UBR4: variants seen among roughly 807,000 people sequenced by gnomAD.
The protein encoded by UBR4 is ubiquitin protein ligase E3 component n-recognin 4.
UBR4 carries 124 observed loss-of-function variants against 575.6 expected under a neutral mutation model. The observed-to-expected ratio is 0.22, with a 90% CI of 0.19 to 0.25. UBR4 has a LOEUF of 0.25. UBR4 is among the 10% of genes least tolerant of loss of function. UBR4 has a pLI of 1.00. For synonymous variants in UBR4, 2,455 were observed against 2,473.7 expected, an observed-to-expected ratio of 0.99 and a Z score of 0.22; for missense variants, 4,818 against 6,478.8, an observed-to-expected ratio of 0.74 and a Z score of 8.80.
rs2083563123 is a variant in UBR4 at position 19,139,318 on chromosome 1, A to G, written c.8594-98T>C. 1.6e-5 allele frequency: 23 copies of G among 1,461,694 alleles called. No individual in the cohort carries two copies. The highest frequency in any genetic ancestry group is 2.7e-6 in the Non-Finnish European group (3 of 1,098,306). 90.5% of individuals were successfully genotyped at this position (1,461,694 alleles called of 1,614,324 possible). A position where few individuals can be genotyped will look rare whatever the true frequency, so the allele number is the denominator to read the frequency against. On this transcript the variant is annotated intron_variant, in intron 58 of 105. Transcript: ENST00000375254. This position sits in a 1 kb window ranked among gnomAD's most constrained non-coding sequence, Gnocchi z 4.2. ...CCCCTCCTTGGGATGAAAGCATCAAACCACATAGTGCATAGGACACAATGC... is the reference window on the plus strand; with the variant it reads ...CCCCTCCTTGGGATGAAAGCATCAAGCCACATAGTGCATAGGACACAATGC...
intron 91 of UBR4, among the ~76,000 whole-genome samples, chr1:19,096,913 G>C (rs72651014): frequency 8.5e-5 from 13 of 152,086 alleles, no homozygotes; most frequent in Admixed American, 7.8e-4. Context: ...TCAATGGAGT[G>C]GGGGGAGAGG....
Position 19,157,822 on chromosome 1 carries a change from T to C in UBR4, c.5753A>G (p.Lys1918Arg), listed in dbSNP as rs772367136. 1.2e-5 allele frequency: 19 copies of C among 1,613,922 alleles called. No individual in the cohort carries two copies. Among genetic ancestry groups the C allele is most frequent in the Non-Finnish European group, 1.6e-5 (19 of 1,179,906 alleles). Residue 1918 changes from lysine (K) to arginine (R), a missense_variant, in exon 40 of 106, where the codon AAG becomes AGG. This residue lies in a region of UBR4 where 461 missense variants were observed against 606.9 expected (regional missense o/e 0.76). Transcript: ENST00000375254. This position sits in a 1 kb window ranked among gnomAD's most constrained non-coding sequence, Gnocchi z 4.4. ...AAGAATTGGAGGACCCACCTTGCCC[T>C]TCTCATGGCTGACAGCCAAATGTTG... ...RRQHLAVSHE[K>R]GKITVLQLSA... is the part of the protein sequence containing the mutation.
At chr1:19,135,711 G>C (rs908387449) in intron 60 of UBR4, among the ~76,000 whole-genome samples, 1 of 152,088 alleles carries the variant, frequency 6.6e-6, no homozygotes, top group Non-Finnish European at 1.5e-5. Context: ...ACATGAAGAA[G>C]AGAATATGAT....
intron 1 of UBR4, among the ~76,000 whole-genome samples, chr1:19,202,409 CA>C (rs1014973520): frequency 6.6e-6 from 1 of 151,926 alleles, no homozygotes; most frequent in African/African-American, 2.4e-5. Context: ...TATTGATAGC[CA>C]AAAAGGGGCA....
rs141400758 is a variant in UBR4, at chr1:19,167,026, T to G, written c.4105A>C (p.Asn1369His). The G allele has an allele frequency of 9.1e-4, 1,467 of 1,614,218 alleles. 27 individuals are homozygous for G. In the East Asian group the frequency reaches 0.026, roughly 29 times the overall value. ...YNILANHADP[N>H]SGLDESILEE... ...ACTGTTCTCCATCAGGCTCACCTGT[T>G]AGGATCTGCATGATTGGCCAGAATG... The change falls in exon 29 of 106, where the codon AAC (asparagine) becomes CAC (histidine). Residue 1369 changes from asparagine (N) to histidine (H), a missense_variant. Physicochemically the swap from Asn to His is moderately conservative, Grantham distance 68. Transcript: ENST00000375254.
At chr1:19,096,770 A>G (rs545880668) in intron 91 of UBR4, 120 bp from the exon 92 acceptor site, 2 of 1,402,312 alleles carry the variant, frequency 1.4e-6, no homozygotes, top group South Asian at 2.8e-5. Context: ...CGTATCTCCA[A>G]TAAAGACACG....
chr1:19,108,747 T>A (rs7534950), intron 81 of UBR4, among the ~76,000 whole-genome samples: 7,391 of 152,248 alleles, frequency 0.049, 262 homozygotes, highest in Admixed American at 0.092. Flanking sequence ...AGGACAATTA[T>A]GAAAATAACT....
Position 19,093,176 on chromosome 1 carries a change from T to C in UBR4, c.14111+137A>G, listed in dbSNP as rs770698339. On this transcript the variant is annotated intron_variant, in intron 96 of 105. Transcript: ENST00000375254. This position sits in a 1 kb window ranked among gnomAD's most constrained non-coding sequence, Gnocchi z 4.8. ...TGCAGTGGTTGAATGGTCACCCACATAGTTTCCAGAAGCGGTTGGGAGGCC... is the reference window on the plus strand; with the variant it reads ...TGCAGTGGTTGAATGGTCACCCACACAGTTTCCAGAAGCGGTTGGGAGGCC... 2.5e-6 allele frequency: 3 copies of C among 1,200,840 alleles called. No homozygotes were observed. Among genetic ancestry groups the C allele is most frequent in the African/African-American group, 1.5e-5 (1 of 65,556 alleles). 74.4% of individuals were successfully genotyped at this position (1,200,840 alleles called of 1,614,324 possible).
At chr1:19,176,786 C>T in intron 19 of UBR4, 59 bp from the exon 20 acceptor site, 2 of 1,585,878 alleles carry the variant, frequency 1.3e-6, no homozygotes, top group Non-Finnish European at 8.6e-7. Flanking sequence ...CAGCTTTTCA[C>T]TCAGGCATGA....
Position 19,168,228 on chromosome 1 carries a change from C to A in UBR4, c.3742-44G>T, listed in dbSNP as rs113327938. ...GATGTAAATGGATAGACCATCTACCCTGGAAAAAATTCTCACATGGAAAAA... is the reference window on the plus strand; with the variant it reads ...GATGTAAATGGATAGACCATCTACCATGGAAAAAATTCTCACATGGAAAAA... On this transcript the variant is annotated intron_variant, in intron 27 of 105. Coordinates refer to ENST00000375254, the MANE Select transcript of UBR4 (RefSeq NM_020765.3). 624 of 1,473,776 alleles carry A rather than the reference C, an allele frequency of 4.2e-4. 14 individuals carry two copies. In the South Asian group the frequency reaches 6.3e-3, roughly 15 times the overall value. 91.3% of individuals were successfully genotyped at this position (1,473,776 alleles called of 1,614,324 possible).
At chr1:19,166,882 C>A (rs987553518) in intron 29 of UBR4, 140 bp downstream of exon 29, 1 of 954,304 alleles carries the variant, frequency 1.0e-6, no homozygotes, top group South Asian at 1.7e-5. Context: ...GGCGACAGAG[C>A]GAGACCATGT....
In UBR4 at chr1:19,174,949, A is replaced by C; in HGVS notation, c.2853+5T>G. 1 of 1,612,920 alleles carries C rather than the reference A, an allele frequency of 6.2e-7. No individual in the cohort carries two copies. The highest frequency in any genetic ancestry group is 1.3e-5 in the African/African-American group (1 of 75,006). ...TATAAAATGCAGTTTTAAAATTCCTAGTACCACAGAATCAAGTCGGTTCAA... is the reference window on the plus strand; with the variant it reads ...TATAAAATGCAGTTTTAAAATTCCTCGTACCACAGAATCAAGTCGGTTCAA... On this transcript the variant is annotated splice_donor_5th_base_variant and intron_variant, in intron 21 of 105. Transcript: ENST00000375254.
chr1:19,104,019 C>A, intron 87 of UBR4, 65 bp downstream of exon 87: 2 of 1,557,368 alleles, frequency 1.3e-6, no homozygotes, highest in South Asian at 1.2e-5. Flanking sequence ...GGAAATTGGT[C>A]GAATGCACCT....
intron 104 of UBR4, among the ~76,000 whole-genome samples, chr1:19,077,340 A>G (rs10158647): frequency 0.042 from 6,462 of 152,298 alleles, 382 homozygotes; most frequent in African/African-American, 0.14. Flanking sequence ...GCTTATCCCA[A>G]TAGCACGGCA....
Position 19,174,974 on chromosome 1 carries a change from A to T in UBR4, c.2833T>A (p.Leu945Met), listed in dbSNP as rs1571461053. Residue 945 changes from leucine (L) to methionine (M), a missense_variant, in exon 21 of 106, where the codon TTG becomes ATG. Around this residue, in one of 29 missense-constraint regions of UBR4, gnomAD observed 1,172 missense variants for 1,259.7 expected, o/e 0.93. Transcript: ENST00000375254. Reference sequence around the variant, plus strand: ...AGTACCACAGAATCAAGTCGGTTCAAATCATCCTCTGAGGCTTCTGGGGAC... The same window carrying T: ...AGTACCACAGAATCAAGTCGGTTCATATCATCCTCTGAGGCTTCTGGGGAC... ...VLSPEASEDDLNRLDSVACDV... is the reference protein window; with the variant it reads ...VLSPEASEDDMNRLDSVACDV... 6.2e-7 allele frequency: 1 copy of T among 1,614,032 alleles called. No homozygotes were observed. The highest frequency in any genetic ancestry group is 2.2e-5 in the East Asian group (1 of 44,874).
At chr1:19,193,989 G>A (rs2092292504) in intron 8 of UBR4, among the ~76,000 whole-genome samples, 1 of 152,186 alleles carries the variant, frequency 6.6e-6, no homozygotes, top group Non-Finnish European at 1.5e-5. Flanking sequence ...TTCTAGAAAA[G>A]GTAAAACTAG....
rs188941212 is a variant in UBR4 at position 19,187,534 on chromosome 1, C to T, written c.1401G>A (p.Gln467=). ...SPKLGPGKGH[Q]GFGVLSVILA... is the part of the protein sequence containing the mutation. ...ATATTACTGAGAGTACCCCAAATCC[C>T]TGATGCCTACACAAAGAAAAAGGAA... The change falls in exon 12 of 106, where the codon CAG becomes CAA. Residue 467 remains glutamine (Q), a synonymous_variant. Transcript: ENST00000375254. The T allele has an allele frequency of 6.2e-7, 1 of 1,613,490 alleles. No homozygotes were observed. The highest frequency in any genetic ancestry group is 2.2e-5 in the East Asian group (1 of 44,870).
Position 19,165,360 on chromosome 1 carries a change from A to G in UBR4, c.4212-11T>C, listed in dbSNP as rs778001399. On this transcript the variant is annotated splice_polypyrimidine_tract_variant and intron_variant, in intron 30 of 105. Coordinates refer to ENST00000375254, the MANE Select transcript of UBR4 (RefSeq NM_020765.3). ...TGTACAAGTTCTCCACTGGGAGGCA[A>G]GATGGGAGAAAAATGGAAAGAATCA... 2 of 1,599,622 alleles carry G rather than the reference A, an allele frequency of 1.3e-6. No homozygotes were observed. Among genetic ancestry groups the G allele is most frequent in the South Asian group, 2.2e-5 (2 of 89,694 alleles).
rs1160413814 is a variant in UBR4, at chr1:19,094,949, A to T, written c.13703T>A (p.Ile4568Asn). 4 of 1,613,844 alleles carry T rather than the reference A, an allele frequency of 2.5e-6. No individual in the cohort carries two copies. The highest frequency in any genetic ancestry group is 3.4e-6 in the Non-Finnish European group (4 of 1,179,978). ...CTCAGCATTGGACTCATCTAGAATG[A>T]TCTCCATGATGCTAAGCACCTGCTC... is the stretch of plus-strand genomic sequence containing the variant. ...VAEQVLSIME[I>N]ILDESNAEPL... is the part of the protein sequence containing the mutation. The change falls in exon 94 of 106, where the codon ATC (isoleucine) becomes AAC (asparagine). Residue 4568 changes from isoleucine (I) to asparagine (N), a missense_variant. Physicochemically the swap from Ile to Asn is moderately radical, Grantham distance 149 (BLOSUM62 -3). Transcript: ENST00000375254.
Sources: allele counts gnomAD v4.1 joint callset (sites outside exome capture counted in the v4.1 genomes callset), GRCh38; gene constraint gnomAD v4.1.1; regional missense constraint gnomAD v4.1.1; non-coding constraint Gnocchi (gnomAD v3.1); transcripts MANE v1.5; gene names NCBI Gene and HGNC (gene_info 2026-07-23, HGNC 2026-07-21).